SMARCAL1: variants seen among roughly 807,000 people sequenced by gnomAD.
SMARCAL1 encodes the protein SNF2 related chromatin remodeling annealing helicase 1, also known as ATP-driven annealing helicase.
In SMARCAL1, 58 loss-of-function variants were observed where a neutral mutation model predicts 94.5. The observed-to-expected ratio is 0.61, with a 90% CI of 0.50 to 0.76. The LOEUF is 0.76. Ranked by LOEUF, SMARCAL1 falls within the 30% of genes least tolerant of loss-of-function variation. The probability of loss-of-function intolerance (pLI) is 0.00; values close to 1 mark genes in which losing one functional copy is unlikely to be tolerated. For synonymous variants in SMARCAL1, 422 were observed against 455.1 expected (o/e 0.93, Z 0.93); for missense variants, 1,051 against 1,177.9 (o/e 0.89, Z 1.58).
chr2:216,468,771 A>G (rs1694889943), intron 14 of SMARCAL1, among the ~76,000 whole-genome samples: 1 of 152,104 alleles, frequency 6.6e-6, no homozygotes, highest in Non-Finnish European at 1.5e-5. Flanking sequence ...CCCATGCTGG[A>G]GTGCAGTGGC....
At position 216,432,869 on chromosome 2, in the gene SMARCAL1, G is replaced by C. The variant is rs772028268; in HGVS notation, c.1485+1G>C. ...CTCCGTGCGCTTCACCTGGGAGCAG[G>C]TTAATGGTCTTCAAATTGCAGTTTT... On this transcript the variant is annotated splice_donor_variant, in intron 8 of 17. Coordinates refer to ENST00000357276, the MANE Select transcript of SMARCAL1 (RefSeq NM_014140.4). LOFTEE classifies it high-confidence loss of function. The C allele has an allele frequency of 1.2e-6, 2 of 1,614,074 alleles. No individual in the cohort carries two copies. The highest frequency in any genetic ancestry group is 2.7e-5 in the African/African-American group (2 of 74,924).
intron 10 of SMARCAL1, among the ~76,000 whole-genome samples, chr2:216,439,440 T>C (rs1694152009): frequency 6.6e-6 from 1 of 152,158 alleles, no homozygotes; most frequent in Non-Finnish European, 1.5e-5. Context: ...ACTTTGGAGG[T>C]ATCCACTTTG....
chr2:216,467,206 C>T (rs1694846794), intron 13 of SMARCAL1, among the ~76,000 whole-genome samples: 2 of 152,134 alleles, frequency 1.3e-5, no homozygotes, highest in Non-Finnish European at 2.9e-5. Context: ...TGCGGTGGCT[C>T]ACGCCTGTAA....
intron 14 of SMARCAL1, among the ~76,000 whole-genome samples, chr2:216,474,556 AC>A (rs1695032364): frequency 2.0e-5 from 3 of 149,756 alleles, no homozygotes; most frequent in South Asian, 4.4e-4. Context: ...GGAGTTTGAG[AC>A]CAGCCTGGCC....
At chr2:216,423,710 T>C (rs1407056427) in intron 6 of SMARCAL1, 27 bp downstream of exon 6, 1 of 1,574,122 alleles carries the variant, frequency 6.4e-7, no homozygotes, top group Non-Finnish European at 8.7e-7. Flanking sequence ...ACTTGTTTTA[T>C]ATCATGCTAT....
intron 12 of SMARCAL1, 118 bp downstream of exon 12, chr2:216,451,182 T>C (rs1694443137): frequency 2.4e-6 from 2 of 848,674 alleles, no homozygotes; most frequent in African/African-American, 1.7e-5. Context: ...ACCTTTTCCC[T>C]CTTCCCTAGG....
At chr2:216,470,597 C>G (rs1275896411) in intron 14 of SMARCAL1, among the ~76,000 whole-genome samples, 2 of 151,616 alleles carry the variant, frequency 1.3e-5, no homozygotes, top group African/African-American at 2.4e-5. Context: ...AAGTGATCCT[C>G]CTGCCTGAGC....
At chr2:216,478,100 A>C in intron 16 of SMARCAL1, 103 bp from the exon 17 acceptor site, 2 of 955,892 alleles carry the variant, frequency 2.1e-6, no homozygotes, top group Non-Finnish European at 3.4e-6. Context: ...GTGAAACCGT[A>C]AACAAGCCGT....
chr2:216,475,364 C>T lies in SMARCAL1; in HGVS notation c.2340C>T (p.Ala780=), dbSNP rs780778758. The change falls in exon 15 of 18, where the codon GCC becomes GCT. Residue 780 remains alanine, a synonymous_variant. Transcript: ENST00000357276. This position sits in a 1 kb window ranked among gnomAD's most constrained non-coding sequence, Gnocchi z 4.4. ...QFQLSERHAV[A]VLSITAANMG... ...AACTGTCGGAGAGGCATGCTGTGGCCGTGCTGTCCATCACCGCTGCCAATA... is the reference window on the plus strand; with the variant it reads ...AACTGTCGGAGAGGCATGCTGTGGCTGTGCTGTCCATCACCGCTGCCAATA... The T allele has an allele frequency of 1.7e-5, 28 of 1,614,054 alleles. No individual in the cohort carries two copies. The African/African-American group carries it at 2.0e-4, about 12-fold the overall frequency.
intron 11 of SMARCAL1, among the ~76,000 whole-genome samples, chr2:216,447,414 G>A (rs886687344): frequency 6.6e-6 from 1 of 152,160 alleles, no homozygotes; most frequent in Non-Finnish European, 1.5e-5. Context: ...GGGACTAGTG[G>A]CTGATGTGTA....
At chr2:216,430,085 G>A (rs1397032620) in intron 7 of SMARCAL1, among the ~76,000 whole-genome samples, 1 of 152,180 alleles carries the variant, frequency 6.6e-6, no homozygotes, top group Non-Finnish European at 1.5e-5. Context: ...CACGTGTTGG[G>A]TGCTGGTTTT....
chr2:216,418,771 G>T (rs1693655956), intron 4 of SMARCAL1, among the ~76,000 whole-genome samples: 2 of 151,924 alleles, frequency 1.3e-5, no homozygotes, highest in Non-Finnish European at 2.9e-5. Flanking sequence ...TTTGTATTTT[G>T]CCCTTTTAAT....
At chr2:216,464,693 C>A in intron 13 of SMARCAL1, 26 bp downstream of exon 13, 4 of 1,426,810 alleles carry the variant, frequency 2.8e-6, no homozygotes, top group Non-Finnish European at 3.9e-6. Flanking sequence ...GTGTCGACCT[C>A]TCTCTCTCTC....
At chr2:216,422,967 C>A (rs1442492656) in intron 5 of SMARCAL1, among the ~76,000 whole-genome samples, 2 of 152,198 alleles carry the variant, frequency 1.3e-5, no homozygotes, top group Non-Finnish European at 2.9e-5. Flanking sequence ...TAATAACTGG[C>A]TTTGGGGTGC....
At chr2:216,432,537 T>C (rs1216873802) in intron 7 of SMARCAL1, among the ~76,000 whole-genome samples, 181 bp from the exon 8 acceptor site, 2 of 152,138 alleles carry the variant, frequency 1.3e-5, no homozygotes, top group Non-Finnish European at 2.9e-5. Flanking sequence ...CTCTCTCTCT[T>C]TTTTATTCTG....
intron 4 of SMARCAL1, among the ~76,000 whole-genome samples, chr2:216,417,602 C>T (rs1693629328): frequency 6.6e-6 from 1 of 152,218 alleles, no homozygotes; most frequent in South Asian, 2.1e-4. Flanking sequence ...TCTCCATATA[C>T]AATCACATTC....
At chr2:216,467,528 G>C (rs1295059795) in intron 13 of SMARCAL1, among the ~76,000 whole-genome samples, 3 of 149,398 alleles carry the variant, frequency 2.0e-5, no homozygotes, top group African/African-American at 7.4e-5. Flanking sequence ...GTGGCTGGAA[G>C]AGAGATGTAA....
intron 10 of SMARCAL1, among the ~76,000 whole-genome samples, chr2:216,440,724 C>T (rs1222486600): frequency 6.6e-6 from 1 of 152,098 alleles, no homozygotes; most frequent in Non-Finnish European, 1.5e-5. Flanking sequence ...ATTGTATTTT[C>T]GTCTAGATTG....
chr2:216,416,901 C>G (rs1281962985), intron 4 of SMARCAL1, among the ~76,000 whole-genome samples: 1 of 152,232 alleles, frequency 6.6e-6, no homozygotes, highest in African/African-American at 2.4e-5. Flanking sequence ...ATAGTCAGCA[C>G]CTGGTTACGT....
Sources: allele counts gnomAD v4.1 joint callset (sites outside exome capture counted in the v4.1 genomes callset), GRCh38; gene constraint gnomAD v4.1.1; non-coding constraint Gnocchi (gnomAD v3.1); transcripts MANE v1.5; gene names NCBI Gene and HGNC (gene_info 2026-07-23, HGNC 2026-07-21).